The following PRKAR1B variants were observed in gnomAD, a reference collection of about 807,000 sequenced individuals.
PRKAR1B encodes the protein protein kinase cAMP-dependent type I regulatory subunit beta.
In PRKAR1B, 22 loss-of-function variants were observed where a neutral mutation model predicts 46.5. The ratio of observed to expected loss-of-function variants is 0.47; its 90% CI spans 0.34 to 0.68. The LOEUF (loss-of-function observed/expected upper bound fraction) is 0.68. PRKAR1B is among the 30% of genes least tolerant of loss of function. PRKAR1B has a pLI of 0.01. For missense variants in PRKAR1B, 445 were observed against 535.6 expected (o/e 0.83, Z 1.67); for synonymous variants, 259 against 217.7 (o/e 1.19, Z -1.67).
chr7:670,209 A>G (rs548819472), intron 4 of PRKAR1B, among the ~76,000 whole-genome samples: 2 of 152,246 alleles, frequency 1.3e-5, no homozygotes, highest in East Asian at 3.9e-4. Context: ...AACATTGCAC[A>G]TGCAGGGAGG....
chr7:644,278 C>G lies in PRKAR1B; in HGVS notation c.440+32951G>C, dbSNP rs1368256363. 6.6e-6 allele frequency among the ~76,000 whole-genome samples: 1 copy of G among 152,168 alleles called. No homozygotes were observed. The highest frequency in any genetic ancestry group is 1.5e-5 in the Non-Finnish European group (1 of 68,028). On this transcript the variant is annotated intron_variant, in intron 4 of 10. Coordinates refer to ENST00000537384, the MANE Select transcript of PRKAR1B (RefSeq NM_001164760.2). This position sits in a 1 kb window ranked among gnomAD's most constrained non-coding sequence, Gnocchi z 4.9. ...GCATCGTTGAAATGTCCGTGATGCT[C>G]TTAAAATCCTGCTGGAATCACTCAC...
intron 9 of PRKAR1B, among the ~76,000 whole-genome samples, chr7:572,815 C>T (rs1779601357): frequency 6.6e-6 from 1 of 152,202 alleles, no homozygotes; most frequent in African/African-American, 2.4e-5. Flanking sequence ...ATGCACAGGG[C>T]ATCTGCGACC....
chr7:613,886 C>T (rs557641015), intron 4 of PRKAR1B, among the ~76,000 whole-genome samples: 55 of 152,380 alleles, frequency 3.6e-4, no homozygotes, highest in Non-Finnish European at 6.3e-4. Flanking sequence ...AGACCTCTCC[C>T]GGCCCCAGGA....
chr7:646,054 T>C (rs755514190), intron 4 of PRKAR1B, among the ~76,000 whole-genome samples: 8 of 152,170 alleles, frequency 5.3e-5, no homozygotes, highest in Non-Finnish European at 1.2e-4. Flanking sequence ...CACGCTATTT[T>C]TTTTTTTAAG....
chr7:650,376 TC>T (rs1301636830), intron 4 of PRKAR1B, among the ~76,000 whole-genome samples: 2 of 116,862 alleles, frequency 1.7e-5, no homozygotes, highest in Non-Finnish European at 3.6e-5. Context: ...ACTCAGCCCC[TC>T]CCTCCCTCCC....
intron 4 of PRKAR1B, among the ~76,000 whole-genome samples, chr7:645,804 C>A (rs1269433669): frequency 6.6e-6 from 1 of 152,064 alleles, no homozygotes; most frequent in Non-Finnish European, 1.5e-5. Flanking sequence ...GGTCAGCATG[C>A]GGGGGTGCTC....
chr7:556,599 G>A (rs866207274), intron 9 of PRKAR1B, among the ~76,000 whole-genome samples: 1 of 152,210 alleles, frequency 6.6e-6, no homozygotes, highest in East Asian at 1.9e-4. Context: ...AGGCAAAGGG[G>A]TCGGTCCCCG....
rs67191707 is a variant in PRKAR1B, at chr7:709,108, T to TAAA, written c.177+2218_177+2220dup. The stretch of plus-strand genomic sequence containing the variant: ...ACCCACCAGCCCCAATATTTAATAC[T>TAAA]AAAAAAAAAAAAAAAAAAAAAAAAA... On this transcript the variant is annotated intron_variant, in intron 2 of 10. Transcript: ENST00000537384. Among the ~76,000 whole-genome samples the TAAA allele has an allele frequency of 2.9e-3, 201 of 70,248 alleles. 1 individual carries two copies. The highest frequency in any genetic ancestry group is 4.4e-3 in the Non-Finnish European group (174 of 39,692). 46.1% of individuals were successfully genotyped at this position (70,248 alleles called of 152,430 possible). A position where few individuals can be genotyped will look rare whatever the true frequency, so the allele number is the denominator to read the frequency against.
rs1222729688 is a variant in PRKAR1B, at chr7:588,808, TGATCAC to T, written c.709-4246_709-4241del. On this transcript the variant is annotated intron_variant, in intron 7 of 10. Transcript: ENST00000537384. ...ATGGTGGTGAGGATAGTGACAGTGG[TGATCAC>T]GATGATGGTGGTGATGGTGGTGATG... Among the ~76,000 whole-genome samples, 407 of 116,266 alleles carry T rather than the reference TGATCAC, an allele frequency of 3.5e-3. 1 individual carries two copies. The highest frequency in any genetic ancestry group is 4.0e-3 in the Non-Finnish European group (231 of 57,304). The allele number at this position is 116,266 out of a possible 152,430, so 76.3% of individuals were successfully genotyped here.
chr7:627,548 C>T (rs557254591), intron 4 of PRKAR1B, among the ~76,000 whole-genome samples: 15 of 152,346 alleles, frequency 9.8e-5, no homozygotes, highest in South Asian at 2.1e-4. Flanking sequence ...GCACTCTACA[C>T]GGCTGACCCC....
At chr7:726,976 A>T in intron 1 of PRKAR1B, 2 of 1,301,646 alleles carry the variant, frequency 1.5e-6, no homozygotes, top group Non-Finnish European at 2.0e-6. Context: ...GCGCTGCCTG[A>T]GCGACCCCGC....
intron 9 of PRKAR1B, chr7:579,049 T>C: frequency 1.0e-6 from 1 of 985,436 alleles, no homozygotes; most frequent in Non-Finnish European, 1.2e-6. Context: ...GAAGGGAGGC[T>C]TTTGATGCTA....
intron 4 of PRKAR1B, among the ~76,000 whole-genome samples, chr7:654,283 C>T (rs541129051): frequency 4.0e-5 from 6 of 151,358 alleles, no homozygotes; most frequent in African/African-American, 1.2e-4. Context: ...TCTTCACCAC[C>T]ATCACCATCA....
At chr7:642,699 C>CCGCAG (rs1449501697) in intron 4 of PRKAR1B, among the ~76,000 whole-genome samples, 3 of 150,002 alleles carry the variant, frequency 2.0e-5, no homozygotes, top group Non-Finnish European at 4.4e-5. Flanking sequence ...CGCCACTGCA[C>CCGCAG]TCCAGCCTGG....
At chr7:727,524 C>G, upstream of PRKAR1B, 1 of 298,132 alleles carries the variant, frequency 3.4e-6, no homozygotes, top group Non-Finnish European at 6.0e-6. Flanking sequence ...ACCACTGCTT[C>G]CCCTGCCTCA....
rs544632987 is a variant in PRKAR1B, at chr7:557,264, G to A, written c.892-5794C>T. On this transcript the variant is annotated intron_variant, in intron 9 of 10. Coordinates refer to ENST00000537384, the MANE Select transcript of PRKAR1B (RefSeq NM_001164760.2). ...AATCCCTTCCTCACGTCTCAGCCGC[G>A]TGACACCCGTGACCAGGCCCCTGGT... Among the ~76,000 whole-genome samples the A allele has an allele frequency of 2.8e-3, 423 of 152,334 alleles. 2 individuals carry two copies. The highest frequency in any genetic ancestry group is 9.1e-3 in the African/African-American group (379 of 41,564).
intron 1 of PRKAR1B, among the ~76,000 whole-genome samples, chr7:712,143 G>C (rs991231042): frequency 1.3e-5 from 2 of 151,260 alleles, no homozygotes; most frequent in Non-Finnish European, 3.0e-5. Context: ...ACCGCACCGC[G>C]GGGCGCAGGA....
intron 4 of PRKAR1B, among the ~76,000 whole-genome samples, chr7:611,916 C>CGGAT (rs1335894326): frequency 1.6e-5 from 2 of 126,918 alleles, no homozygotes; most frequent in Admixed American, 7.9e-5. Flanking sequence ...AGTAGATCAA[C>CGGAT]GGATGGATGG....
chr7:720,263 G>A lies in PRKAR1B; in HGVS notation c.-23+6947C>T, dbSNP rs191972225. On this transcript the variant is annotated intron_variant, in intron 1 of 10. Transcript: ENST00000537384. ...AGTAAAGACAGGATTTCTCCATGTT[G>A]GCCAGGCTGGTCTTGAACTCCTGAC... is the stretch of plus-strand genomic sequence containing the variant. Among the ~76,000 whole-genome samples the A allele has an allele frequency of 1.6e-3, 239 of 152,126 alleles. 1 individual carries two copies. The highest frequency in any genetic ancestry group is 5.3e-3 in the African/African-American group (219 of 41,510).
Sources: allele counts gnomAD v4.1 joint callset (sites outside exome capture counted in the v4.1 genomes callset), GRCh38; gene constraint gnomAD v4.1.1; non-coding constraint Gnocchi (gnomAD v3.1); transcripts MANE v1.5; gene names NCBI Gene and HGNC (gene_info 2026-07-23, HGNC 2026-07-21).